The following RGS6 variants were observed in gnomAD, a reference collection of about 807,000 sequenced individuals.
The protein encoded by RGS6 is regulator of G protein signaling 6.
RGS6 carries 30 observed loss-of-function variants against 78.5 expected under a neutral mutation model. That is an observed-to-expected ratio of 0.38 (90% CI 0.29 to 0.52). The LOEUF (loss-of-function observed/expected upper bound fraction) is 0.52, where lower values mean the gene tolerates loss of function less well. RGS6 is among the 20% of genes least tolerant of loss of function. RGS6 has a pLI of 0.85. For synonymous variants in RGS6, 206 were observed against 206.0 expected (o/e 1.00, Z 0.00); for missense variants, 495 against 609.7 (o/e 0.81, Z 1.98).
chr14:72,207,082 T>C (rs950632512), intron 2 of RGS6, among the ~76,000 whole-genome samples: 9 of 152,218 alleles, frequency 5.9e-5, no homozygotes, highest in Non-Finnish European at 1.3e-4. Flanking sequence ...CTTAAACTCA[T>C]AGACATAACA....
At chr14:72,215,977 C>G (rs2045467026) in intron 2 of RGS6, among the ~76,000 whole-genome samples, 2 of 152,178 alleles carry the variant, frequency 1.3e-5, no homozygotes, top group Non-Finnish European at 2.9e-5. Flanking sequence ...TACTCCCTCA[C>G]CTTCCTAGGT....
At chr14:72,026,403 T>TGA (rs1203379825) in intron 2 of RGS6, among the ~76,000 whole-genome samples, 28 of 151,692 alleles carry the variant, frequency 1.8e-4, no homozygotes, top group Non-Finnish European at 3.4e-4. Flanking sequence ...AGAGACTCCA[T>TGA]CTCAAAAAGA....
At chr14:72,125,636 G>T (rs1359712579) in intron 2 of RGS6, among the ~76,000 whole-genome samples, 1 of 152,136 alleles carries the variant, frequency 6.6e-6, no homozygotes, top group Admixed American at 6.5e-5. Flanking sequence ...GTGGTCTATT[G>T]TGGGGGGAAA....
At chr14:72,100,685 G>T (rs1451959036) in intron 2 of RGS6, among the ~76,000 whole-genome samples, 1 of 152,112 alleles carries the variant, frequency 6.6e-6, no homozygotes, top group African/African-American at 2.4e-5. Context: ...GTAAATATTT[G>T]TTCCCTAAAT....
chr14:72,540,405 G>A (rs2097308698), intron 17 of RGS6: 2 of 1,465,362 alleles, frequency 1.4e-6, no homozygotes, highest in South Asian at 1.4e-5. Flanking sequence ...TCGGGGCTGT[G>A]CGGTTTGTGC....
At chr14:72,215,084 C>T (rs961091683) in intron 2 of RGS6, among the ~76,000 whole-genome samples, 1 of 152,212 alleles carries the variant, frequency 6.6e-6, no homozygotes, top group African/African-American at 2.4e-5. Context: ...GAAAACAGTC[C>T]TAATTGTATT....
intron 2 of RGS6, among the ~76,000 whole-genome samples, chr14:71,998,492 TG>T (rs976000697): frequency 8.5e-5 from 13 of 152,314 alleles, no homozygotes; most frequent in Admixed American, 7.2e-4. Flanking sequence ...ATCGAAAAGC[TG>T]GGACTGGAAA....
intron 15 of RGS6, among the ~76,000 whole-genome samples, chr14:72,523,292 G>T (rs1348263788): frequency 6.6e-6 from 1 of 152,126 alleles, no homozygotes; most frequent in African/African-American, 2.4e-5. Context: ...GAGTCTGGGA[G>T]TTCCTTCTAG....
chr14:72,315,517 G>T (rs1275409121), intron 2 of RGS6, among the ~76,000 whole-genome samples: 1 of 152,194 alleles, frequency 6.6e-6, no homozygotes, highest in Admixed American at 6.5e-5. Context: ...GTAATTCACT[G>T]TTGACAAAAT....
chr14:72,404,573 T>G (rs568875946), intron 3 of RGS6, among the ~76,000 whole-genome samples: 1 of 152,260 alleles, frequency 6.6e-6, no homozygotes, highest in Non-Finnish European at 1.5e-5. Context: ...AGACTCTCTG[T>G]GTGGCCCCAC....
chr14:72,239,010 G>A (rs984182940), intron 2 of RGS6, among the ~76,000 whole-genome samples: 3 of 150,032 alleles, frequency 2.0e-5, no homozygotes, highest in Non-Finnish European at 4.5e-5. Flanking sequence ...TTCAATGGAG[G>A]GGCATAAAGC....
intron 2 of RGS6, among the ~76,000 whole-genome samples, chr14:72,340,598 G>A (rs1471924605): frequency 5.3e-5 from 8 of 152,180 alleles, no homozygotes; most frequent in Non-Finnish European, 8.8e-5. Flanking sequence ...AAAGTGAAGG[G>A]AGAGGGGAGG....
rs554343560 is a variant in RGS6 at position 72,334,738 on chromosome 14, T to C, written c.85-17357T>C. Among the ~76,000 whole-genome samples the C allele has an allele frequency of 6.6e-5, 10 of 152,182 alleles. No homozygotes were observed. In the South Asian group the frequency reaches 1.7e-3, roughly 25 times the overall value. On this transcript the variant is annotated intron_variant, in intron 2 of 17. Transcript: ENST00000553525. ...TTGCAGAGAAGCCACTAGGAAGGCT[T>C]TCCAGATGAGACTCTCCCCCTACTC...
At chr14:72,174,295 T>C in intron 2 of RGS6, among the ~76,000 whole-genome samples, 1 of 152,132 alleles carries the variant, frequency 6.6e-6, no homozygotes, top group East Asian at 1.9e-4. Context: ...ATGGGATTTC[T>C]CCATGTTGGT....
intron 2 of RGS6, among the ~76,000 whole-genome samples, chr14:72,084,748 TTC>T (rs2094956982): frequency 6.6e-6 from 1 of 152,094 alleles, no homozygotes; most frequent in Non-Finnish European, 1.5e-5. Context: ...TTTTTTTTTT[TTC>T]CTGCTGAAAC....
At chr14:71,986,264 C>A (rs1385129996) in intron 2 of RGS6, among the ~76,000 whole-genome samples, 1 of 152,138 alleles carries the variant, frequency 6.6e-6, no homozygotes, top group Non-Finnish European at 1.5e-5. Context: ...AGGAGTAGAC[C>A]TTTCCTTTCA....
intron 2 of RGS6, among the ~76,000 whole-genome samples, chr14:72,350,392 G>C (rs2529466): frequency 0.59 from 89,347 of 151,926 alleles, 28,351 homozygotes; most frequent in African/African-American, 0.84. Context: ...GCAAAGGTTG[G>C]TTAACCTCTG....
chr14:72,256,168 G>T (rs186767821), intron 2 of RGS6, among the ~76,000 whole-genome samples: 1 of 152,256 alleles, frequency 6.6e-6, no homozygotes, highest in Admixed American at 6.5e-5. Context: ...AGAGCTCAGA[G>T]GCTAGGGTTT....
chr14:72,612,663 C>A, the RGS6 span: 1 of 512,060 alleles, frequency 2.0e-6, no homozygotes, highest in Non-Finnish European at 3.9e-6. Context: ...AAACCAAGTC[C>A]GTATAAACCA....
Sources: gnomAD v4.1 joint callset for allele counts (sites outside exome capture counted in the v4.1 genomes callset) on GRCh38, gnomAD v4.1.1 for gene constraint, MANE v1.5 for transcripts, NCBI Gene and HGNC (gene_info 2026-07-23, HGNC 2026-07-21) for gene names.